Variants in FLRT1 observed in about 807,000 individuals in gnomAD.
The protein encoded by FLRT1 is leucine-rich repeat transmembrane protein FLRT1.
A neutral mutation model predicts 30.9 loss-of-function variants in FLRT1; 14 were observed. The observed-to-expected ratio is 0.45, with a 90% CI of 0.30 to 0.71. FLRT1 has a LOEUF of 0.71. Among genes scored for constraint, FLRT1 ranks in the 30% least tolerant of loss-of-function variants. The pLI, the probability that FLRT1 is intolerant of heterozygous loss-of-function variation, is 0.08. For synonymous variants in FLRT1, 368 were observed against 430.4 expected (o/e 0.85, Z 1.80); for missense variants, 737 against 949.2 (o/e 0.78, Z 2.94).
At chr11:64,051,026 A>G (rs1322371884) in intron 1 of FLRT1, among the ~76,000 whole-genome samples, 2 of 152,232 alleles carry the variant, frequency 1.3e-5, no homozygotes, top group African/African-American at 4.8e-5. Context: ...CCAGGGGGAC[A>G]GCCTGGTAAA....
At chr11:64,045,385 C>T (rs983504184) in intron 1 of FLRT1, among the ~76,000 whole-genome samples, 1 of 152,194 alleles carries the variant, frequency 6.6e-6, no homozygotes, top group African/African-American at 2.4e-5. Context: ...GGGACCTGGG[C>T]ATGTTGATAA....
intron 1 of FLRT1, among the ~76,000 whole-genome samples, chr11:64,072,029 T>C (rs1004670826): frequency 7.9e-5 from 12 of 152,210 alleles, no homozygotes; most frequent in African/African-American, 2.9e-4. Context: ...AAACGCACTA[T>C]TGACCGCCGC....
At chr11:64,113,477 T>G (rs1445796085) in intron 2 of FLRT1, among the ~76,000 whole-genome samples, 6 of 102,980 alleles carry the variant, frequency 5.8e-5, no homozygotes, top group South Asian at 3.2e-4. Context: ...TTGATGCATA[T>G]ATGGATGGAT....
Position 64,105,198 on chromosome 11 carries a change from G to A in FLRT1, c.-50+1017G>A, listed in dbSNP as rs138376599. ...CCAGCCCGACAGCGGGGCCGCGAGC[G>A]TGCCTGAGCCGGAGCTGGGCTGGCT... On this transcript the variant is annotated intron_variant, in intron 2 of 2. Transcript: ENST00000682287. Among the ~76,000 whole-genome samples the A allele has an allele frequency of 6.6e-5, 10 of 152,344 alleles. No homozygotes were observed. In the East Asian group the frequency reaches 7.7e-4, roughly 12 times the overall value.
intron 1 of FLRT1, among the ~76,000 whole-genome samples, chr11:64,063,709 G>C (rs961908897): frequency 6.6e-6 from 1 of 152,188 alleles, no homozygotes; most frequent in Non-Finnish European, 1.5e-5. Context: ...ACCTCAGCGG[G>C]TGCTGAAACC....
At chr11:64,116,129 A>T in intron 2 of FLRT1, 90 bp from the exon 3 acceptor site, 4 of 1,346,230 alleles carry the variant, frequency 3.0e-6, no homozygotes, top group Non-Finnish European at 2.0e-6. Context: ...CCCTTGGTAC[A>T]GGCTGGCAGG....
chr11:64,092,423 G>A (rs546389616), intron 1 of FLRT1, among the ~76,000 whole-genome samples: 1 of 152,346 alleles, frequency 6.6e-6, no homozygotes, highest in Non-Finnish European at 1.5e-5. Context: ...CCTGCCTATG[G>A]AGGGCTGGTG....
chr11:64,117,900 G>C lies in FLRT1; in HGVS notation c.1633G>C (p.Ala545Pro). 1 of 1,613,914 alleles carries C rather than the reference G, an allele frequency of 6.2e-7. No individual in the cohort carries two copies. Among genetic ancestry groups the C allele is most frequent in the Non-Finnish European group, 8.5e-7 (1 of 1,179,932 alleles). ...PTTTLNQEQN[A>P]GPMASLPLAG... is the part of the protein sequence containing the mutation. ...CACCACACTCAACCAGGAGCAGAAC[G>C]CTGGCCCCATGGCGAGCCTGCCCCT... The change falls in exon 3 of 3, where the codon GCT becomes CCT. Residue 545 changes from alanine (A) to proline (P), a missense_variant. Ala to Pro is a conservative substitution (Grantham distance 27). Coordinates refer to ENST00000682287, the MANE Select transcript of FLRT1 (RefSeq NM_013280.5).
intron 1 of FLRT1, among the ~76,000 whole-genome samples, chr11:64,040,390 C>A (rs531330700): frequency 7.2e-5 from 11 of 152,248 alleles, no homozygotes; most frequent in African/African-American, 2.4e-4. Context: ...TGCATGGAGA[C>A]CCCCGGCAGG....
intron 2 of FLRT1, among the ~76,000 whole-genome samples, chr11:64,106,416 G>A (rs2134576581): frequency 6.6e-6 from 1 of 152,326 alleles, no homozygotes; most frequent in African/African-American, 2.4e-5. Flanking sequence ...TGTTTACTGA[G>A]CACTTTCTGT....
intron 2 of FLRT1, among the ~76,000 whole-genome samples, chr11:64,115,234 G>A (rs1410494238): frequency 6.6e-6 from 1 of 152,144 alleles, no homozygotes; most frequent in Non-Finnish European, 1.5e-5. Context: ...ACTATGAACA[G>A]TAAAATAATA....
intron 2 of FLRT1, among the ~76,000 whole-genome samples, chr11:64,112,356 T>C (rs1019391780): frequency 6.6e-6 from 1 of 151,796 alleles, no homozygotes; most frequent in Non-Finnish European, 1.5e-5. Flanking sequence ...CTACTAAAAA[T>C]ACAAAAAATT....
rs575387241 is a variant in FLRT1, at chr11:64,044,983, G to C, written c.-1038+8824G>C. On this transcript the variant is annotated intron_variant, in intron 1 of 2. Coordinates refer to ENST00000682287, the MANE Select transcript of FLRT1 (RefSeq NM_013280.5). ...GAATCAGGGAAGGCCTCATAGGGTAGGTGTCATTTGCACTTTGGAGCCAGG... is the reference window on the plus strand; with the variant it reads ...GAATCAGGGAAGGCCTCATAGGGTACGTGTCATTTGCACTTTGGAGCCAGG... Among the ~76,000 whole-genome samples the C allele has an allele frequency of 1.7e-3, 253 of 152,340 alleles. 1 individual carries two copies. Among genetic ancestry groups the C allele is most frequent in the Middle Eastern group, 0.01 (3 of 294 alleles).
intron 2 of FLRT1, among the ~76,000 whole-genome samples, chr11:64,105,893 A>G (rs1944754267): frequency 6.6e-6 from 1 of 150,690 alleles, no homozygotes; most frequent in Admixed American, 6.6e-5. Context: ...TCATCTGCAA[A>G]AAGCAGACAA....
chr11:64,107,807 G>A (rs891768780), intron 2 of FLRT1, among the ~76,000 whole-genome samples: 2 of 152,132 alleles, frequency 1.3e-5, no homozygotes, highest in Non-Finnish European at 1.5e-5. Flanking sequence ...GATGCCTCTG[G>A]TGGGCCTGCA....
At chr11:64,083,137 GTATAA>G (rs1944332530) in intron 1 of FLRT1, 1 of 152,252 alleles carries the variant, frequency 6.6e-6, no homozygotes, top group Non-Finnish European at 1.5e-5. Context: ...GTAAACAGCA[GTATAA>G]TATGTAAATG....
chr11:64,041,302 A>G (rs1943482524), intron 1 of FLRT1, among the ~76,000 whole-genome samples: 1 of 150,888 alleles, frequency 6.6e-6, no homozygotes, highest in South Asian at 2.1e-4. Flanking sequence ...TTATCTCCAG[A>G]AGCAAATTGC....
rs1385281948 is a variant in FLRT1, at chr11:64,067,551, G to A, written c.-1038+31392G>A. On this transcript the variant is annotated intron_variant, in intron 1 of 2. Coordinates refer to ENST00000682287, the MANE Select transcript of FLRT1 (RefSeq NM_013280.5). This position sits in a 1 kb window ranked among gnomAD's most constrained non-coding sequence, Gnocchi z 4.6. Reference sequence around the variant, plus strand: ...CCAGCCCCTCCCCCTGGGGCTCAGGGACCCAAAGCAGGGACCAGGACCCAG... The same window carrying A: ...CCAGCCCCTCCCCCTGGGGCTCAGGAACCCAAAGCAGGGACCAGGACCCAG... Among the ~76,000 whole-genome samples, 1 of 152,104 alleles carries A rather than the reference G, an allele frequency of 6.6e-6. No individual in the cohort carries two copies. The highest frequency in any genetic ancestry group is 6.5e-5 in the Admixed American group (1 of 15,278).
intron 2 of FLRT1, among the ~76,000 whole-genome samples, chr11:64,114,901 C>A (rs1388016359): frequency 6.6e-6 from 1 of 152,150 alleles, no homozygotes; most frequent in Non-Finnish European, 1.5e-5. Context: ...GCAAGAGTAG[C>A]TTGCTCGATG....
Sources: allele counts gnomAD v4.1 joint callset (sites outside exome capture counted in the v4.1 genomes callset), GRCh38; gene constraint gnomAD v4.1.1; non-coding constraint Gnocchi (gnomAD v3.1); transcripts MANE v1.5; gene names NCBI Gene and HGNC (gene_info 2026-07-23, HGNC 2026-07-21).